TSHR: variants seen among roughly 807,000 people sequenced by gnomAD.
The protein encoded by TSHR is thyrotropin receptor.
A neutral mutation model predicts 64.1 loss-of-function variants in TSHR; 51 were observed. The ratio of observed to expected loss-of-function variants is 0.80; its 90% CI spans 0.64 to 1.01. TSHR has a LOEUF of 1.01. Among genes scored for constraint, TSHR ranks in the 50% least tolerant of loss-of-function variants. The probability of loss-of-function intolerance (pLI) is 0.00; values close to 1 mark genes in which losing one functional copy is unlikely to be tolerated. For synonymous variants in TSHR, 361 were observed against 361.9 expected (o/e 1.00, Z 0.03); for missense variants, 877 against 942.8 (o/e 0.93, Z 0.91).
chr14:81,026,333 C>T (rs545145242), intron 1 of TSHR, among the ~76,000 whole-genome samples: 19 of 152,154 alleles, frequency 1.2e-4, no homozygotes, highest in Non-Finnish European at 2.4e-4. Flanking sequence ...ACACAATCGA[C>T]ATACTTGTGT....
intron 1 of TSHR, among the ~76,000 whole-genome samples, chr14:80,966,495 T>C (rs113953854): frequency 6.6e-5 from 10 of 152,026 alleles, no homozygotes; most frequent in African/African-American, 2.4e-4. Flanking sequence ...TATGTATTGA[T>C]CACCTATCAT....
At position 81,143,724 on chromosome 14, in the gene TSHR, C is replaced by G. The variant is rs2140112131; in HGVS notation, c.1666C>G (p.Pro556Ala). 6.2e-7 allele frequency: 1 copy of G among 1,614,196 alleles called. No homozygotes were observed. Among genetic ancestry groups the G allele is most frequent in the South Asian group, 1.1e-5 (1 of 91,084 alleles). ...WVCCFLLALLPLVGISSYAKV... is the reference protein window; with the variant it reads ...WVCCFLLALLALVGISSYAKV... ...TTGCTGCTTCCTTCTCGCCCTGCTT[C>G]CTTTGGTGGGAATAAGTAGCTATGC... The change falls in exon 10 of 10, where the codon CCT becomes GCT. Residue 556 changes from proline to alanine, a missense_variant. Physicochemically the swap from Pro to Ala is conservative, Grantham distance 27 (BLOSUM62 -1). Transcript: ENST00000298171.
In TSHR at chr14:80,957,890, C is replaced by T. The variant is rs543240695; in HGVS notation, c.170+2040C>T. Reference sequence around the variant, plus strand: ...TAGTCTGAGGGAAGGCACTGAATCACAAGAAAAAGACATAAAGACAGTGGC... The same window carrying T: ...TAGTCTGAGGGAAGGCACTGAATCATAAGAAAAAGACATAAAGACAGTGGC... On this transcript the variant is annotated intron_variant, in intron 1 of 9. Transcript: ENST00000298171. 6 of 152,198 alleles carry T rather than the reference C, an allele frequency of 3.9e-5. No individual in the cohort carries two copies. In the South Asian group the frequency reaches 1.2e-3, roughly 32 times the overall value. The allele number at this position is 152,198 out of a possible 1,614,324, so 9.4% of individuals were successfully genotyped here. A position where few individuals can be genotyped will look rare whatever the true frequency, so the allele number is the denominator to read the frequency against.
chr14:81,134,020 T>C (rs935573176), intron 8 of TSHR, among the ~76,000 whole-genome samples: 8 of 152,230 alleles, frequency 5.3e-5, no homozygotes, highest in Admixed American at 3.9e-4. Flanking sequence ...TGACTGATAG[T>C]AAGCACAGAA....
chr14:81,114,103 C>T (rs1017419552), intron 8 of TSHR, among the ~76,000 whole-genome samples: 3 of 148,258 alleles, frequency 2.0e-5, no homozygotes, highest in Admixed American at 1.4e-4. Context: ...GATGAGAGTA[C>T]TGAGGAAGCT....
At chr14:81,040,953 C>T (rs574038363) in intron 1 of TSHR, among the ~76,000 whole-genome samples, 2,399 of 152,092 alleles carry the variant, frequency 0.016, 61 homozygotes, top group African/African-American at 0.055. Flanking sequence ...GAAATTAAAA[C>T]CACAATGAGA....
At chr14:81,127,146 C>A (rs963146010) in intron 8 of TSHR, among the ~76,000 whole-genome samples, 1 of 152,134 alleles carries the variant, frequency 6.6e-6, no homozygotes, top group Non-Finnish European at 1.5e-5. Context: ...ACACAAAAAG[C>A]AGTTTTTAGC....
chr14:81,018,920 A>C (rs940805822), intron 1 of TSHR, among the ~76,000 whole-genome samples: 2 of 152,254 alleles, frequency 1.3e-5, no homozygotes, highest in African/African-American at 4.8e-5. Context: ...AGATCAACTT[A>C]GTGAAAGCAG....
intron 9 of TSHR, among the ~76,000 whole-genome samples, 155 bp from the exon 10 acceptor site, chr14:81,142,785 T>G (rs1464705223): frequency 6.6e-6 from 1 of 151,698 alleles, no homozygotes; most frequent in Non-Finnish European, 1.5e-5. Context: ...AATGTTTGCA[T>G]TTTTTATAGA....
At chr14:81,097,187 G>A (rs983755848) in intron 7 of TSHR, among the ~76,000 whole-genome samples, 2 of 152,054 alleles carry the variant, frequency 1.3e-5, no homozygotes, top group African/African-American at 4.8e-5. Context: ...CTTTGTGTTT[G>A]ATGTGTTTTA....
intron 1 of TSHR, among the ~76,000 whole-genome samples, chr14:80,978,094 AACACAC>A (rs60697218): frequency 0.25 from 36,976 of 146,384 alleles, 4,868 homozygotes; most frequent in East Asian, 0.43. Context: ...ACATCCCTCC[AACACAC>A]ACACACACAC....
chr14:81,100,751 T>G (rs568695779), intron 7 of TSHR, among the ~76,000 whole-genome samples: 39 of 152,330 alleles, frequency 2.6e-4, no homozygotes, highest in African/African-American at 5.5e-4. Flanking sequence ...ATGCATAGGG[T>G]GAGAGGTAGG....
chr14:81,135,658 C>A (rs962008141), intron 8 of TSHR, among the ~76,000 whole-genome samples: 1 of 152,150 alleles, frequency 6.6e-6, no homozygotes, highest in Non-Finnish European at 1.5e-5. Flanking sequence ...AGAGACTCCA[C>A]AAGGACATCG....
chr14:81,081,097 G>A (rs1023164013), intron 3 of TSHR, among the ~76,000 whole-genome samples: 3 of 152,108 alleles, frequency 2.0e-5, no homozygotes, highest in African/African-American at 7.2e-5. Flanking sequence ...GATTGGTTGA[G>A]GTCAGGGATT....
chr14:81,103,391 A>T lies in TSHR; in HGVS notation c.615-4984A>T. On this transcript the variant is annotated intron_variant, in intron 7 of 9. Transcript: ENST00000298171. The surrounding 1 kb of genome is among the most constrained non-coding windows in gnomAD (Gnocchi z 4.1). ...TAGGTTCTCATTTAAACAATGTGTC[A>T]TCCAAAAGAGCAATCATCCCCTATC... 1 of 985,470 alleles carries T rather than the reference A, an allele frequency of 1.0e-6. No homozygotes were observed. Among genetic ancestry groups the T allele is most frequent in the Non-Finnish European group, 1.2e-6 (1 of 829,950 alleles). 61.0% of individuals were successfully genotyped at this position (985,470 alleles called of 1,614,324 possible).
At chr14:81,114,083 C>T (rs1411634634) in intron 8 of TSHR, among the ~76,000 whole-genome samples, 1 of 151,280 alleles carries the variant, frequency 6.6e-6, no homozygotes, top group African/African-American at 2.4e-5. Flanking sequence ...TGTATACCTT[C>T]CAAGTAAGAG....
At chr14:81,082,352 T>C (rs1273049230) in intron 3 of TSHR, among the ~76,000 whole-genome samples, 1 of 152,232 alleles carries the variant, frequency 6.6e-6, no homozygotes. Context: ...ACATCTAGGT[T>C]GCTTGGCAAC....
chr14:80,977,845 G>T (rs1016295758), intron 1 of TSHR, among the ~76,000 whole-genome samples: 1 of 152,078 alleles, frequency 6.6e-6, no homozygotes, highest in Non-Finnish European at 1.5e-5. Flanking sequence ...CATTTTCTTA[G>T]ATATAAACAA....
intron 1 of TSHR, among the ~76,000 whole-genome samples, chr14:80,981,529 T>C (rs1356331184): frequency 1.3e-5 from 2 of 152,092 alleles, no homozygotes; most frequent in East Asian, 1.9e-4. Context: ...ACTCTTCTTT[T>C]GTGGGAAGGA....
Sources: gnomAD v4.1 joint callset for allele counts (sites outside exome capture counted in the v4.1 genomes callset) on GRCh38, gnomAD v4.1.1 for gene constraint, Gnocchi (gnomAD v3.1) non-coding constraint, MANE v1.5 for transcripts, NCBI Gene and HGNC (gene_info 2026-07-23, HGNC 2026-07-21) for gene names.